The following ADH7 variants were observed in gnomAD, a reference collection of about 807,000 sequenced individuals.
ADH7 encodes the protein all-trans-retinol dehydrogenase [NAD(+)] ADH7.
ADH7 carries 41 observed loss-of-function variants against 34.4 expected under a neutral mutation model. The observed-to-expected ratio is 1.19, with a 90% CI of 0.93 to 1.55. ADH7 has a LOEUF of 1.55. ADH7 is among the 40% of genes most tolerant of loss of function. The pLI is 0.00. For synonymous variants in ADH7, 180 were observed against 160.9 expected, an observed-to-expected ratio of 1.12 and a Z score of -0.90; for missense variants, 540 against 461.2, an observed-to-expected ratio of 1.17 and a Z score of -1.56.
intron 1 of ADH7, among the ~76,000 whole-genome samples, chr4:99,431,117 C>T (rs749139055): frequency 2.6e-5 from 4 of 152,034 alleles, no homozygotes; most frequent in African/African-American, 9.7e-5. Flanking sequence ...TTTTTAAAGT[C>T]AAACTATTTT....
chr4:99,414,609 C>T (rs975744202), intron 8 of ADH7, among the ~76,000 whole-genome samples: 2 of 152,176 alleles, frequency 1.3e-5, no homozygotes, highest in Non-Finnish European at 2.9e-5. Context: ...TTGCCAAGCT[C>T]TGTCAGAGAA....
chr4:99,418,864 T>C, intron 7 of ADH7, 122 bp downstream of exon 7: 1 of 1,161,494 alleles, frequency 8.6e-7, no homozygotes, highest in Non-Finnish European at 1.2e-6. Flanking sequence ...TGATCACAGT[T>C]CCATTTTAGA....
intron 1 of ADH7, among the ~76,000 whole-genome samples, chr4:99,431,516 C>G (rs1721936903): frequency 6.6e-6 from 1 of 152,152 alleles, no homozygotes; most frequent in Admixed American, 6.5e-5. Flanking sequence ...GAGAAACTAT[C>G]AACAGAGTAC....
chr4:99,413,589 T>C (rs952379456), intron 8 of ADH7, among the ~76,000 whole-genome samples: 2 of 152,194 alleles, frequency 1.3e-5, no homozygotes, highest in Non-Finnish European at 2.9e-5. Flanking sequence ...AATTCTTAAC[T>C]GTTGAAACAA....
At chr4:99,424,882 A>G (rs1281687922) in intron 5 of ADH7, among the ~76,000 whole-genome samples, 3 of 152,018 alleles carry the variant, frequency 2.0e-5, no homozygotes, top group Non-Finnish European at 4.4e-5. Context: ...TCTCCTGCCT[A>G]ATTGCCCTGG....
chr4:99,413,316 A>T, intron 8 of ADH7, 144 bp from the exon 9 acceptor site: 1 of 855,292 alleles, frequency 1.2e-6, no homozygotes, highest in Non-Finnish European at 1.8e-6. Context: ...AGTCCTTAAC[A>T]ATTAGTTTTC....
At chr4:99,432,265 G>A (rs1379205012) in intron 1 of ADH7, among the ~76,000 whole-genome samples, 4 of 152,078 alleles carry the variant, frequency 2.6e-5, no homozygotes, top group Non-Finnish European at 2.9e-5. Context: ...GCTAAATATT[G>A]AGTACCTATG....
At chr4:99,418,913 A>G in intron 7 of ADH7, 73 bp downstream of exon 7, 1 of 1,556,290 alleles carries the variant, frequency 6.4e-7, no homozygotes, top group Non-Finnish European at 8.7e-7. Flanking sequence ...GCCTGAGGAA[A>G]CAGGCTTCTC....
At chr4:99,420,444 A>G in intron 6 of ADH7, 89 bp downstream of exon 6, 1 of 1,337,512 alleles carries the variant, frequency 7.5e-7, no homozygotes, top group South Asian at 1.4e-5. Context: ...TCCATTATTG[A>G]CTATTAATAA....
rs906408253 is a variant in ADH7 at position 99,413,093 on chromosome 4, C to T, written c.*55G>A. 1 of 1,596,230 alleles carries T rather than the reference C, an allele frequency of 6.3e-7. No homozygotes were observed. Among genetic ancestry groups the T allele is most frequent in the Non-Finnish European group, 8.6e-7 (1 of 1,165,752 alleles). ...ACATGATTTCAGATGAGGGAACTCT[C>T]ACAAGAGAAACTCCAGTTCACCATG... is the stretch of plus-strand genomic sequence containing the variant. On this transcript the variant is annotated 3_prime_UTR_variant, in exon 9 of 9. Transcript: ENST00000437033.
At chr4:99,415,944 G>A (rs898115364) in intron 7 of ADH7, 2 of 180,494 alleles carry the variant, frequency 1.1e-5, no homozygotes. Context: ...GACACAGGGA[G>A]GGGAATGACA....
chr4:99,415,278 C>A, intron 8 of ADH7, 200 bp downstream of exon 8: 1 of 559,690 alleles, frequency 1.8e-6, no homozygotes, highest in South Asian at 2.0e-5. Flanking sequence ...TATAAATGAC[C>A]CAGTCTCGGG....
In ADH7 at chr4:99,412,324, T is replaced by C. The variant is rs1295543567; in HGVS notation, c.*824A>G. On this transcript the variant is annotated 3_prime_UTR_variant, in exon 9 of 9. Transcript: ENST00000437033. The stretch of plus-strand genomic sequence containing the variant: ...CATGTTATAGATATATATAGATACA[T>C]CAGTGTAGTTGTTAAAAACTAAAAA... 1 of 152,154 alleles carries C rather than the reference T, an allele frequency of 6.6e-6. No individual in the cohort carries two copies. Among genetic ancestry groups the C allele is most frequent in the Non-Finnish European group, 1.5e-5 (1 of 67,992 alleles). The allele number at this position is 152,154 out of a possible 1,614,324, so 9.4% of individuals were successfully genotyped here.
chr4:99,425,990 A>G (rs943220842), intron 5 of ADH7, among the ~76,000 whole-genome samples: 4 of 152,208 alleles, frequency 2.6e-5, no homozygotes, highest in African/African-American at 9.6e-5. Flanking sequence ...AGGCAGAAAT[A>G]AAGATGTTCT....
In ADH7 at chr4:99,420,689, G is replaced by C. The variant is rs148997247; in HGVS notation, c.669C>G (p.Asp223Glu). The C allele has an allele frequency of 6.2e-7, 1 of 1,613,800 alleles. No homozygotes were observed. Among genetic ancestry groups the C allele is most frequent in the Non-Finnish European group, 8.5e-7 (1 of 1,179,932 alleles). ...CCTTCTCAAATTTGTCTTTGTTGAG[G>C]TCAATCCCAATGATCCTAGATGCAC... The part of the protein sequence containing the change: ...SAGASRIIGI[D>E]LNKDKFEKAM... The change falls in exon 6 of 9, where the codon GAC becomes GAG. Residue 223 changes from aspartate to glutamate, a missense_variant. Asp to Glu is a conservative substitution (Grantham distance 45). Transcript: ENST00000437033.
intron 5 of ADH7, among the ~76,000 whole-genome samples, chr4:99,427,402 TCTTA>T (rs1392034112): frequency 6.6e-6 from 1 of 152,282 alleles, no homozygotes; most frequent in Admixed American, 6.5e-5. Context: ...ATACAATAAA[TCTTA>T]CTTAGCTGAC....
chr4:99,418,866 C>A (rs1721581888), intron 7 of ADH7, 120 bp downstream of exon 7: 1 of 1,178,520 alleles, frequency 8.5e-7, no homozygotes, highest in Non-Finnish European at 1.2e-6. Flanking sequence ...ATCACAGTTC[C>A]ATTTTAGATC....
At position 99,420,673 on chromosome 4, in the gene ADH7, A is replaced by G. The variant is rs1321123503; in HGVS notation, c.685T>C (p.Phe229Leu). Reference protein sequence around the residue: ...IIGIDLNKDKFEKAMAVGATE... With the variant: ...IIGIDLNKDKLEKAMAVGATE... ...GCACCTACAGCCATGGCCTTCTCAAATTTGTCTTTGTTGAGGTCAATCCCA... is the reference window on the plus strand; with the variant it reads ...GCACCTACAGCCATGGCCTTCTCAAGTTTGTCTTTGTTGAGGTCAATCCCA... The change falls in exon 6 of 9, where the codon TTT becomes CTT. Residue 229 changes from phenylalanine (F) to leucine (L), a missense_variant. Transcript: ENST00000437033. 7 of 1,613,696 alleles carry G rather than the reference A, an allele frequency of 4.3e-6. No individual in the cohort carries two copies. The highest frequency in any genetic ancestry group is 5.9e-6 in the Non-Finnish European group (7 of 1,179,912).
Position 99,428,234 on chromosome 4 carries a change from C to T in ADH7, c.260-60G>A, listed in dbSNP as rs1029593702. On this transcript the variant is annotated intron_variant, in intron 3 of 8. Transcript: ENST00000437033. ...CATTAATGTTAAAATATGAAATTAA[C>T]AAATGTGAATTGAGCCCATACTATA... 28 of 1,493,646 alleles carry T rather than the reference C, an allele frequency of 1.9e-5. No homozygotes were observed. In the Admixed American group the frequency reaches 4.5e-4, roughly 24 times the overall value. 92.5% of individuals were successfully genotyped at this position (1,493,646 alleles called of 1,614,324 possible).
Sources: gnomAD v4.1 joint callset for allele counts (sites outside exome capture counted in the v4.1 genomes callset) on GRCh38, gnomAD v4.1.1 for gene constraint, MANE v1.5 for transcripts, NCBI Gene and HGNC (gene_info 2026-07-23, HGNC 2026-07-21) for gene names.